AATF: variants seen among roughly 807,000 people sequenced by gnomAD.
The protein encoded by AATF is apoptosis antagonizing transcription factor.
In AATF, 48 loss-of-function variants were observed where a neutral mutation model predicts 63.7. The observed-to-expected ratio is 0.75, with a 90% CI of 0.60 to 0.96. AATF has a LOEUF of 0.96. AATF is among the 40% of genes least tolerant of loss of function. The probability of loss-of-function intolerance (pLI) is 0.00; values close to 1 mark genes in which losing one functional copy is unlikely to be tolerated. For synonymous variants in AATF, 258 were observed against 247.7 expected (o/e 1.04, Z -0.39); for missense variants, 639 against 685.7 (o/e 0.93, Z 0.76).
At chr17:36,990,920 T>C (rs988777276) in intron 8 of AATF, 63 bp downstream of exon 8, 13 of 1,234,502 alleles carry the variant, frequency 1.1e-5, no homozygotes, top group Non-Finnish European at 1.5e-5. Flanking sequence ...GCTTATAGAA[T>C]TCTCTGAACA....
intron 11 of AATF, among the ~76,000 whole-genome samples, chr17:37,049,767 C>G (rs888432754): frequency 1.3e-5 from 2 of 152,028 alleles, no homozygotes; most frequent in Non-Finnish European, 2.9e-5. Context: ...TGTTTGGTGC[C>G]GTTAGCATGT....
At chr17:37,017,796 A>G (rs1441127728) in intron 8 of AATF, among the ~76,000 whole-genome samples, 1 of 152,212 alleles carries the variant, frequency 6.6e-6, no homozygotes, top group African/African-American at 2.4e-5. Flanking sequence ...AATATTTTTT[A>G]TAAATTTGTT....
At chr17:37,020,558 A>G (rs568407401) in intron 9 of AATF, among the ~76,000 whole-genome samples, 14 of 152,322 alleles carry the variant, frequency 9.2e-5, no homozygotes, top group South Asian at 8.3e-4. Context: ...TCATGCATTC[A>G]AACCAACCAG....
chr17:37,047,165 TCA>T (rs2071700677), intron 11 of AATF, among the ~76,000 whole-genome samples: 1 of 152,204 alleles, frequency 6.6e-6, no homozygotes, highest in Non-Finnish European at 1.5e-5. Context: ...TTGTCTTCTC[TCA>T]CATCAAATCT....
intron 4 of AATF, among the ~76,000 whole-genome samples, chr17:36,974,670 C>T (rs1482799766): frequency 6.6e-6 from 1 of 152,118 alleles, no homozygotes; most frequent in Non-Finnish European, 1.5e-5. Flanking sequence ...TCATCTTTGT[C>T]ACTTTGACAA....
rs146003236 is a variant in AATF at position 37,019,821 on chromosome 17, T to C, written c.1466+749T>C. Among the ~76,000 whole-genome samples the C allele has an allele frequency of 2.8e-3, 420 of 152,270 alleles. 1 individual carries two copies. The highest frequency in any genetic ancestry group is 9.2e-3 in the African/African-American group (382 of 41,544). ...GTAAAATATTATGTGAATTTTAGGG[T>C]AGGATGTTGATATTTCGTTTATCTC... On this transcript the variant is annotated intron_variant, in intron 9 of 11. Coordinates refer to ENST00000619387, the MANE Select transcript of AATF (RefSeq NM_012138.4).
chr17:36,989,519 A>G (rs2071197051), intron 7 of AATF, 108 bp downstream of exon 7: 1 of 1,190,662 alleles, frequency 8.4e-7, no homozygotes, highest in Non-Finnish European at 1.1e-6. Flanking sequence ...AGTGAGAGAA[A>G]GGAAAGCAAC....
In AATF at chr17:36,988,603, GA is replaced by G. The variant is rs1209276491; in HGVS notation, c.1033del (p.Met345TrpfsTer49). ...GGGTCCCTGCAAAGAGGAAGCTGGA[GA>G]TGGAGGACTATCCCAGCTTCATGGC... is the stretch of plus-strand genomic sequence containing the variant. The part of the protein sequence containing the change: ...RRVPAKRKLE[M>X]EDYPSFMAKR... On this transcript the variant is annotated frameshift_variant, in exon 6 of 12. Coordinates refer to ENST00000619387, the MANE Select transcript of AATF (RefSeq NM_012138.4). LOFTEE classifies it high-confidence loss of function. 1.1e-5 allele frequency: 17 copies of G among 1,614,220 alleles called. No homozygotes were observed. The highest frequency in any genetic ancestry group is 1.4e-5 in the Non-Finnish European group (17 of 1,180,034).
At chr17:36,957,544 G>A (rs2070911860) in intron 4 of AATF, among the ~76,000 whole-genome samples, 1 of 152,056 alleles carries the variant, frequency 6.6e-6, no homozygotes. Context: ...ATGCAGTGTT[G>A]GCCTCTTACG....
At chr17:36,968,270 C>CTTTTTTTTTTTTTTTTTTTTTT (rs3049638) in intron 4 of AATF, among the ~76,000 whole-genome samples, 3 of 23,764 alleles carry the variant, frequency 1.3e-4, no homozygotes, top group African/African-American at 3.3e-4. Flanking sequence ...TTCCTTCTTT[C>CTTTTTTTTTTTTTTTTTTTTTT]TTTTTTTTTT....
At chr17:36,982,402 G>C (rs2071133408) in intron 4 of AATF, among the ~76,000 whole-genome samples, 1 of 151,880 alleles carries the variant, frequency 6.6e-6, no homozygotes. Flanking sequence ...TGCCCAGGCT[G>C]GAGTACAGTG....
chr17:37,000,490 T>G (rs1024941173), intron 8 of AATF, among the ~76,000 whole-genome samples: 1 of 152,170 alleles, frequency 6.6e-6, no homozygotes, highest in African/African-American at 2.4e-5. Context: ...AGGACCTATG[T>G]TGGCTTTATT....
At chr17:36,986,771 A>C in intron 5 of AATF, 40 bp downstream of exon 5, 2 of 1,509,808 alleles carry the variant, frequency 1.3e-6, no homozygotes, top group South Asian at 1.1e-5. Context: ...TTTTCTTTTC[A>C]TTTGGATAGT....
At chr17:37,002,170 C>A (rs1402840226) in intron 8 of AATF, among the ~76,000 whole-genome samples, 1 of 147,262 alleles carries the variant, frequency 6.8e-6, no homozygotes, top group African/African-American at 2.6e-5. Context: ...CCACTGCACT[C>A]CAGTCTGGGC....
intron 5 of AATF, 74 bp from the exon 6 acceptor site, chr17:36,988,445 T>C: frequency 6.9e-7 from 1 of 1,439,274 alleles, no homozygotes; most frequent in South Asian, 1.2e-5. Context: ...TCTCAGTCCT[T>C]TATGTGAGCC....
intron 4 of AATF, among the ~76,000 whole-genome samples, chr17:36,982,295 A>G (rs566608228): frequency 1.2e-4 from 18 of 150,252 alleles, no homozygotes; most frequent in Non-Finnish European, 2.5e-4. Flanking sequence ...TTTCTATACA[A>G]CGATGAACTG....
chr17:37,013,507 G>A (rs2071406957), intron 8 of AATF, among the ~76,000 whole-genome samples: 2 of 152,190 alleles, frequency 1.3e-5, no homozygotes, highest in South Asian at 2.1e-4. Context: ...GAGCTGGCAT[G>A]TGCAGAGATC....
In AATF at chr17:36,953,914, A is replaced by AT. The variant is rs2070878046; in HGVS notation, c.832+8dup. ...TCCAGTGCCCTGAAAAATAGTAAGA[A>AT]TACTTATGTCCTGTTGGAATACTTA... is the stretch of plus-strand genomic sequence containing the variant. On this transcript the variant is annotated splice_region_variant and intron_variant, in intron 4 of 11. Coordinates refer to ENST00000619387, the MANE Select transcript of AATF (RefSeq NM_012138.4). 6.2e-7 allele frequency: 1 copy of AT among 1,613,314 alleles called. No homozygotes were observed.
intron 5 of AATF, among the ~76,000 whole-genome samples, chr17:36,987,151 C>T (rs1338125171): frequency 8.0e-6 from 1 of 124,650 alleles, no homozygotes; most frequent in African/African-American, 3.8e-5. Flanking sequence ...CCATGCCTGG[C>T]TATTTTTTTT....
Sources: allele counts gnomAD v4.1 joint callset (sites outside exome capture counted in the v4.1 genomes callset), GRCh38; gene constraint gnomAD v4.1.1; transcripts MANE v1.5; gene names NCBI Gene and HGNC (gene_info 2026-07-23, HGNC 2026-07-21).